STARD6: variants seen among roughly 807,000 people sequenced by gnomAD.
STARD6 encodes the protein StAR related lipid transfer domain containing 6, also known as stAR-related lipid transfer protein 6.
A neutral mutation model predicts 22.3 loss-of-function variants in STARD6; 21 were observed. The ratio of observed to expected loss-of-function variants is 0.94; its 90% CI spans 0.67 to 1.35. The LOEUF is 1.35. Among genes scored for constraint, STARD6 ranks in the 40% most tolerant of loss-of-function variants. The pLI, the probability that STARD6 is intolerant of heterozygous loss-of-function variation, is 0.00. For synonymous variants in STARD6, 80 were observed against 88.1 expected, an observed-to-expected ratio of 0.91 and a Z score of 0.52; for missense variants, 269 against 266.9, an observed-to-expected ratio of 1.01 and a Z score of -0.05.
chr18:54,324,979 C>T, intron 7 of STARD6, 104 bp from the exon 8 acceptor site: 1 of 896,014 alleles, frequency 1.1e-6, no homozygotes, highest in South Asian at 3.4e-5. Context: ...TCACCGTTGA[C>T]ATACTTAAAA....
At chr18:54,334,037 C>T (rs537647805) in intron 5 of STARD6, among the ~76,000 whole-genome samples, 1 of 152,222 alleles carries the variant, frequency 6.6e-6, no homozygotes, top group Non-Finnish European at 1.5e-5. Flanking sequence ...AATATACATA[C>T]CATGAATTCA....
chr18:54,353,418 C>T (rs918549913), intron 4 of STARD6, among the ~76,000 whole-genome samples: 5 of 152,204 alleles, frequency 3.3e-5, no homozygotes, highest in Admixed American at 3.3e-4. Context: ...CCTGTAATCC[C>T]AGCACTTTGG....
rs779300706 is a variant in STARD6 at position 54,354,466 on chromosome 18, TTTAAC to T, written c.90+13_90+17del. On this transcript the variant is annotated intron_variant, in intron 3 of 7. Transcript: ENST00000307844. The stretch of plus-strand genomic sequence containing the variant: ...TTAAAAACAAAGTCTTGAAACATAA[TTTAAC>T]TTATTTTCTTACTGAAGTTTTAACC... 8.3e-6 allele frequency: 13 copies of T among 1,570,402 alleles called. No individual in the cohort carries two copies. Among genetic ancestry groups the T allele is most frequent in the South Asian group, 3.5e-5 (3 of 86,944 alleles).
intron 5 of STARD6, among the ~76,000 whole-genome samples, chr18:54,332,605 T>A (rs1230559818): frequency 6.6e-6 from 1 of 152,222 alleles, no homozygotes; most frequent in African/African-American, 2.4e-5. Context: ...TAGTTTGTTC[T>A]CCCTCCTTGG....
chr18:54,336,943 A>G (rs1047800954), intron 5 of STARD6, among the ~76,000 whole-genome samples, 182 bp downstream of exon 5: 7 of 152,256 alleles, frequency 4.6e-5, no homozygotes, highest in African/African-American at 1.2e-4. Context: ...TACAAGTAGC[A>G]TAAAGCTAAT....
intron 4 of STARD6, among the ~76,000 whole-genome samples, chr18:54,351,899 G>GTTTTTTTTTTTTTTTTTTT: frequency 1.4e-5 from 1 of 70,660 alleles, no homozygotes. Context: ...ATATTGGTCC[G>GTTTTTTTTTTTTTTTTTTT]TTTTTTTTTT....
intron 4 of STARD6, among the ~76,000 whole-genome samples, chr18:54,337,507 G>T (rs1056493748): frequency 6.6e-6 from 1 of 152,196 alleles, no homozygotes; most frequent in Non-Finnish European, 1.5e-5. Context: ...TTTTTGGGGA[G>T]TCAAAACTTA....
intron 4 of STARD6, 74 bp downstream of exon 4, chr18:54,353,980 G>T: frequency 1.2e-6 from 1 of 832,266 alleles, no homozygotes; most frequent in Non-Finnish European, 1.9e-6. Flanking sequence ...AGCTAATGAA[G>T]CAGCACTGAA....
chr18:54,341,050 T>C (rs928799935), intron 4 of STARD6, among the ~76,000 whole-genome samples: 1 of 152,120 alleles, frequency 6.6e-6, no homozygotes, highest in Non-Finnish European at 1.5e-5. Flanking sequence ...GATACCTCAA[T>C]AGGTCATTTT....
chr18:54,352,718 A>G (rs1568174954), intron 4 of STARD6, among the ~76,000 whole-genome samples: 2 of 152,260 alleles, frequency 1.3e-5, no homozygotes, highest in South Asian at 2.1e-4. Flanking sequence ...ATGTAAGAGT[A>G]AAATATCTCT....
intron 4 of STARD6, among the ~76,000 whole-genome samples, chr18:54,339,446 A>G (rs2088950267): frequency 6.6e-6 from 1 of 151,716 alleles, no homozygotes; most frequent in South Asian, 2.1e-4. Context: ...AAAATTCTGA[A>G]CATGAAAATA....
At chr18:54,354,858 TC>T (rs1434755836) in intron 2 of STARD6, among the ~76,000 whole-genome samples, 16 of 152,228 alleles carry the variant, frequency 1.1e-4, no homozygotes, top group African/African-American at 3.6e-4. Context: ...TTTCTGTTTT[TC>T]CATTTCTCTC....
At chr18:54,352,180 G>C (rs1370484110) in intron 4 of STARD6, among the ~76,000 whole-genome samples, 1 of 150,028 alleles carries the variant, frequency 6.7e-6, no homozygotes, top group Non-Finnish European at 1.5e-5. Context: ...TAGGAGGGTT[G>C]TATTTTTTCC....
intron 7 of STARD6, among the ~76,000 whole-genome samples, chr18:54,326,604 T>C (rs986632435): frequency 6.6e-6 from 1 of 151,644 alleles, no homozygotes; most frequent in African/African-American, 2.4e-5. Context: ...AGTGCTGGGA[T>C]TACAGGTGTG....
chr18:54,325,135 C>A (rs1308928520), intron 7 of STARD6, among the ~76,000 whole-genome samples: 3 of 151,912 alleles, frequency 2.0e-5, no homozygotes, highest in South Asian at 2.1e-4. Flanking sequence ...ATAAATTTTT[C>A]ATAATTAAAG....
intron 4 of STARD6, among the ~76,000 whole-genome samples, chr18:54,345,568 T>A (rs899072701): frequency 2.0e-5 from 3 of 152,184 alleles, no homozygotes; most frequent in African/African-American, 7.2e-5. Context: ...TCTTGCTCTG[T>A]TGCTGAGGCT....
chr18:54,355,501 CAA>C (rs1483198985), intron 2 of STARD6, among the ~76,000 whole-genome samples: 2 of 152,078 alleles, frequency 1.3e-5, no homozygotes, highest in Non-Finnish European at 2.9e-5. Context: ...AGTGCCCTCA[CAA>C]AAGAGACCCC....
intron 2 of STARD6, 24 bp from the exon 3 acceptor site, chr18:54,354,601 C>T (rs916473997): frequency 3.1e-5 from 48 of 1,550,222 alleles, no homozygotes; most frequent in Non-Finnish European, 4.2e-5. Context: ...AAACAAACAA[C>T]TGGTAAGAAT....
intron 7 of STARD6, 74 bp downstream of exon 7, chr18:54,329,273 C>T: frequency 8.3e-7 from 1 of 1,205,568 alleles, no homozygotes; most frequent in Non-Finnish European, 1.2e-6. Flanking sequence ...TACTGATGAG[C>T]CAGCAATCTT....
Sources: gnomAD v4.1 joint callset for allele counts (sites outside exome capture counted in the v4.1 genomes callset) on GRCh38, gnomAD v4.1.1 for gene constraint, MANE v1.5 for transcripts, NCBI Gene and HGNC (gene_info 2026-07-23, HGNC 2026-07-21) for gene names.